The following ERLIN1 variants were observed in gnomAD, a reference collection of about 807,000 sequenced individuals.
The protein encoded by ERLIN1 is erlin-1.
Under a neutral mutation model 46.9 loss-of-function variants are expected in ERLIN1, and 24 were observed. The observed-to-expected ratio is 0.51, with a 90% confidence interval of 0.37 to 0.72. The LOEUF (loss-of-function observed/expected upper bound fraction) is 0.72. Ranked by LOEUF, ERLIN1 falls within the 30% of genes least tolerant of loss-of-function variation. The probability of loss-of-function intolerance (pLI) is 0.00; values close to 1 mark genes in which losing one functional copy is unlikely to be tolerated. For synonymous variants in ERLIN1, 158 were observed against 143.2 expected (o/e 1.10, Z -0.74); for missense variants, 293 against 417.9 (o/e 0.70, Z 2.61).
Position 100,156,184 on chromosome 10 carries a change from T to C in ERLIN1, c.706A>G (p.Met236Val). 6.2e-7 allele frequency: 1 copy of C among 1,613,470 alleles called. No homozygotes were observed. Among genetic ancestry groups the C allele is most frequent in the Non-Finnish European group, 8.5e-7 (1 of 1,179,492 alleles). The change falls in exon 9 of 11, where the codon ATG becomes GTG. Residue 236 changes from methionine to valine, a missense_variant. Physicochemically the swap from Met to Val is conservative, Grantham distance 21 (BLOSUM62 1). This residue lies in a region of ERLIN1 where 148 missense variants were observed against 266.5 expected (regional missense o/e 0.56). Coordinates refer to ENST00000421367, the MANE Select transcript of ERLIN1 (RefSeq NM_006459.4). The stretch of plus-strand genomic sequence containing the variant: ...ATGCGCTTTTCAGTTTCTTTTTCCA[T>C]CACTTTCTGCTGAAACCGAATTTTT... ...VAKIRFQQKV[M>V]EKETEKRISE...
intron 5 of ERLIN1, among the ~76,000 whole-genome samples, chr10:100,175,322 C>A (rs1349578496): frequency 3.3e-5 from 5 of 152,234 alleles, no homozygotes; most frequent in African/African-American, 1.2e-4. Flanking sequence ...CAAACACCTG[C>A]ATTCCTTCCA....
In ERLIN1 at chr10:100,186,024, G is replaced by C; in HGVS notation, c.-398C>G. 1 of 418,490 alleles carries C rather than the reference G, an allele frequency of 2.4e-6. No individual in the cohort carries two copies. The highest frequency in any genetic ancestry group is 4.2e-6 in the Non-Finnish European group (1 of 238,432). The allele number at this position is 418,490 out of a possible 1,614,324, so 25.9% of individuals were successfully genotyped here. A position where few individuals can be genotyped will look rare whatever the true frequency, so the allele number is the denominator to read the frequency against. On this transcript the variant is annotated 5_prime_UTR_variant, in exon 1 of 11. Transcript: ENST00000421367. Reference sequence around the variant, plus strand: ...CGACTCCCGCGCCGAGCCAACCGCCGCCAACAGCCGGCCCCGCCCACTCGC... The same window carrying C: ...CGACTCCCGCGCCGAGCCAACCGCCCCCAACAGCCGGCCCCGCCCACTCGC...
At chr10:100,170,267 T>C (rs565504143) in intron 6 of ERLIN1, among the ~76,000 whole-genome samples, 12 of 152,300 alleles carry the variant, frequency 7.9e-5, no homozygotes, top group African/African-American at 2.9e-4. Context: ...ATTCCAACTA[T>C]TGTAAAAAAA....
chr10:100,168,129 C>T (rs1406390744), intron 6 of ERLIN1, among the ~76,000 whole-genome samples: 1 of 152,132 alleles, frequency 6.6e-6, no homozygotes, highest in African/African-American at 2.4e-5. Context: ...ACATCAAGGA[C>T]TTGATCTCTC....
intron 6 of ERLIN1, among the ~76,000 whole-genome samples, chr10:100,169,801 T>C (rs1843882692): frequency 6.6e-6 from 1 of 152,314 alleles, no homozygotes; most frequent in South Asian, 2.1e-4. Context: ...GAGGATTGCA[T>C]GAGGCCAGGA....
intron 3 of ERLIN1, 44 bp downstream of exon 3, chr10:100,179,157 C>T: frequency 6.8e-7 from 1 of 1,471,834 alleles, no homozygotes; most frequent in South Asian, 1.2e-5. Context: ...AACAGAAACT[C>T]TGTCTGAGCT....
rs1289990136 is a variant in ERLIN1, at chr10:100,183,873, A to G, written c.114-36T>C. Reference sequence around the variant, plus strand: ...ATGTTTCAATTTGACAAAATTATAAAAAGAAAAATTATCTTTCCAAATCTA... The same window carrying G: ...ATGTTTCAATTTGACAAAATTATAAGAAGAAAAATTATCTTTCCAAATCTA... On this transcript the variant is annotated intron_variant, in intron 1 of 10. Transcript: ENST00000421367. 3.4e-6 allele frequency: 5 copies of G among 1,451,340 alleles called. No homozygotes were observed. The East Asian group carries it at 1.1e-4, about 33-fold the overall frequency. The allele number at this position is 1,451,340 out of a possible 1,614,324, so 89.9% of individuals were successfully genotyped here.
At chr10:100,179,048 T>C (rs1844479392) in intron 3 of ERLIN1, among the ~76,000 whole-genome samples, 153 bp downstream of exon 3, 1 of 152,230 alleles carries the variant, frequency 6.6e-6, no homozygotes, top group Admixed American at 6.5e-5. Context: ...AGCTCCTATT[T>C]GGAGATAGGC....
intron 8 of ERLIN1, among the ~76,000 whole-genome samples, chr10:100,156,599 T>C (rs1027620471): frequency 6.6e-6 from 1 of 152,056 alleles, no homozygotes; most frequent in African/African-American, 2.4e-5. Flanking sequence ...CACAGGACAA[T>C]TAATGTGGCA....
At position 100,183,848 on chromosome 10, in the gene ERLIN1, A is replaced by G; in HGVS notation, c.114-11T>C. ...AGTAAAGCTCCTCCCCTGCAAAAAGATGTTTCAATTTGACAAAATTATAAA... is the reference window on the plus strand; with the variant it reads ...AGTAAAGCTCCTCCCCTGCAAAAAGGTGTTTCAATTTGACAAAATTATAAA... On this transcript the variant is annotated splice_polypyrimidine_tract_variant and intron_variant, in intron 1 of 10. Coordinates refer to ENST00000421367, the MANE Select transcript of ERLIN1 (RefSeq NM_006459.4). 2 of 1,597,988 alleles carry G rather than the reference A, an allele frequency of 1.3e-6. No individual in the cohort carries two copies. Among genetic ancestry groups the G allele is most frequent in the Middle Eastern group, 1.7e-4 (1 of 6,022 alleles).
intron 10 of ERLIN1, 94 bp downstream of exon 10, chr10:100,154,766 T>C (rs1001369681): frequency 2.1e-6 from 2 of 959,196 alleles, no homozygotes; most frequent in Non-Finnish European, 3.2e-6. Flanking sequence ...TTCTTGACAA[T>C]GGATAAAATC....
intron 10 of ERLIN1, among the ~76,000 whole-genome samples, chr10:100,154,180 G>T (rs1842950276): frequency 6.6e-6 from 1 of 152,050 alleles, no homozygotes; most frequent in Admixed American, 6.5e-5. Flanking sequence ...CTCTTAAATA[G>T]CCCCTGCTCA....
chr10:100,155,546 G>A (rs1379273163), intron 9 of ERLIN1, among the ~76,000 whole-genome samples: 2 of 151,086 alleles, frequency 1.3e-5, no homozygotes, highest in African/African-American at 2.4e-5. Context: ...ACGGAGTCTC[G>A]CTCTGTCGCC....
At chr10:100,155,802 C>T (rs1225881192) in intron 9 of ERLIN1, among the ~76,000 whole-genome samples, 8 of 152,216 alleles carry the variant, frequency 5.3e-5, no homozygotes, top group African/African-American at 9.6e-5. Flanking sequence ...GCGTGAGCCA[C>T]GGCGCCCGGC....
chr10:100,160,758 G>A (rs1399756555), intron 8 of ERLIN1, among the ~76,000 whole-genome samples: 1 of 152,056 alleles, frequency 6.6e-6, no homozygotes, highest in Non-Finnish European at 1.5e-5. Context: ...ACCAGCCTGG[G>A]CAACATGGTG....
At chr10:100,174,320 C>CG (rs1844170960) in intron 5 of ERLIN1, 39 bp from the exon 6 acceptor site, 1 of 1,434,454 alleles carries the variant, frequency 7.0e-7, no homozygotes, top group African/African-American at 1.6e-5. Flanking sequence ...TCATGATAGT[C>CG]AATTTTTTTT....
At chr10:100,183,117 T>C (rs1208433359) in intron 2 of ERLIN1, among the ~76,000 whole-genome samples, 1 of 152,248 alleles carries the variant, frequency 6.6e-6, no homozygotes, top group Admixed American at 6.5e-5. Context: ...TCCAAAGATT[T>C]ATGATCACAC....
intron 6 of ERLIN1, among the ~76,000 whole-genome samples, chr10:100,173,457 A>G (rs1293097612): frequency 6.6e-6 from 1 of 152,072 alleles, no homozygotes; most frequent in Admixed American, 6.6e-5. Flanking sequence ...ATTACATACC[A>G]TTTCTTTTCC....
Position 100,151,914 on chromosome 10 carries a change from C to T in ERLIN1, c.*217G>A. On this transcript the variant is annotated 3_prime_UTR_variant, in exon 11 of 11. Coordinates refer to ENST00000421367, the MANE Select transcript of ERLIN1 (RefSeq NM_006459.4). Reference sequence around the variant, plus strand: ...ATGAGTAGCAGTTTAGAAAGGAATACATATAGGATACTTGATAAGACTGTG... The same window carrying T: ...ATGAGTAGCAGTTTAGAAAGGAATATATATAGGATACTTGATAAGACTGTG... 1 of 594,440 alleles carries T rather than the reference C, an allele frequency of 1.7e-6. No individual in the cohort carries two copies. The highest frequency in any genetic ancestry group is 3.0e-6 in the Non-Finnish European group (1 of 329,106). 36.8% of individuals were successfully genotyped at this position (594,440 alleles called of 1,614,324 possible). A position where few individuals can be genotyped will look rare whatever the true frequency, so the allele number is the denominator to read the frequency against.
Sources: gnomAD v4.1 joint callset for allele counts (sites outside exome capture counted in the v4.1 genomes callset) on GRCh38, gnomAD v4.1.1 for gene constraint, gnomAD v4.1.1 regional missense constraint, MANE v1.5 for transcripts, NCBI Gene and HGNC (gene_info 2026-07-23, HGNC 2026-07-21) for gene names.